C8orf34: variants seen among roughly 807,000 people sequenced by gnomAD.
The protein encoded by C8orf34 is uncharacterized protein C8orf34.
Under a neutral mutation model 68.3 loss-of-function variants are expected in C8orf34, and 65 were observed. The observed-to-expected ratio is 0.95, with a 90% CI of 0.78 to 1.17. C8orf34 has a LOEUF of 1.17. Among genes scored for constraint, C8orf34 ranks in the 50% most tolerant of loss-of-function variants. The probability of loss-of-function intolerance (pLI) is 0.00; values close to 1 mark genes in which losing one functional copy is unlikely to be tolerated. For synonymous variants in C8orf34, 244 were observed against 241.2 expected (o/e 1.01, Z -0.11); for missense variants, 664 against 655.4 (o/e 1.01, Z -0.14).
chr8:68,676,466 GATC>G (rs1417065496), intron 8 of C8orf34, among the ~76,000 whole-genome samples: 20 of 152,148 alleles, frequency 1.3e-4, no homozygotes, highest in Admixed American at 6.6e-5. Context: ...GCATTGCACA[GATC>G]ATTCAGACAG....
At chr8:68,421,524 AT>A (rs1203652128) in intron 1 of C8orf34, among the ~76,000 whole-genome samples, 1 of 152,188 alleles carries the variant, frequency 6.6e-6, no homozygotes, top group Non-Finnish European at 1.5e-5. Flanking sequence ...AAGCCATTTG[AT>A]ATGTCAGTAG....
intron 7 of C8orf34, among the ~76,000 whole-genome samples, chr8:68,548,034 C>T (rs1815944263): frequency 6.6e-6 from 1 of 151,726 alleles, no homozygotes; most frequent in South Asian, 2.1e-4. Context: ...TACGCCACAA[C>T]AAACATTACT....
intron 6 of C8orf34, among the ~76,000 whole-genome samples, chr8:68,529,040 C>G (rs975072882): frequency 5.3e-5 from 8 of 152,134 alleles, no homozygotes; most frequent in Admixed American, 6.5e-5. Flanking sequence ...TTCCCTGCAC[C>G]ATTCCTTTCT....
intron 4 of C8orf34, among the ~76,000 whole-genome samples, chr8:68,477,573 T>A (rs2129630788): frequency 6.6e-6 from 1 of 152,282 alleles, no homozygotes. Flanking sequence ...TGAACTGTGC[T>A]CCTGGAAAAG....
chr8:68,627,204 C>T (rs553639091), intron 7 of C8orf34, among the ~76,000 whole-genome samples: 5 of 152,240 alleles, frequency 3.3e-5, no homozygotes, highest in Admixed American at 6.5e-5. Flanking sequence ...ACACTCTGAA[C>T]GTTCTGCCTG....
rs867840738 is a variant in C8orf34 at position 68,745,995 on chromosome 8, T to C, written c.1404+24558T>C. ...ACCACATACTTGGAAGTAAAGCTCT[T>C]CTCAGCAAATGTAAAAGAACAGAAA... On this transcript the variant is annotated intron_variant, in intron 10 of 13. Transcript: ENST00000518698. 5.7e-3 allele frequency among the ~76,000 whole-genome samples: 873 copies of C among 151,952 alleles called. 10 individuals carry two copies. Among genetic ancestry groups the C allele is most frequent in the African/African-American group, 0.02 (821 of 41,400 alleles).
At chr8:68,783,631 C>A (rs1823757978) in intron 11 of C8orf34, among the ~76,000 whole-genome samples, 7 of 151,604 alleles carry the variant, frequency 4.6e-5, no homozygotes. Context: ...TACCTGAGAT[C>A]TGGAAGTCCC....
chr8:68,611,343 A>G (rs1586447733), intron 7 of C8orf34, among the ~76,000 whole-genome samples: 1 of 152,188 alleles, frequency 6.6e-6, no homozygotes, highest in Non-Finnish European at 1.5e-5. Context: ...TTGGTTGTCA[A>G]TTCAGTTCAA....
intron 12 of C8orf34, 29 bp from the exon 13 acceptor site, chr8:68,815,857 A>G (rs1328810772): frequency 1.2e-6 from 2 of 1,613,470 alleles, no homozygotes; most frequent in African/African-American, 2.7e-5. Flanking sequence ...CTGGCCTGGC[A>G]TATTATCTCT....
In C8orf34 at chr8:68,756,585, G is replaced by GA. The variant is rs113613105; in HGVS notation, c.1405-19811dup. On this transcript the variant is annotated intron_variant, in intron 10 of 13. Coordinates refer to ENST00000518698, the MANE Select transcript of C8orf34 (RefSeq NM_052958.4). ...TCAAAGAAAAGAAAGAAAAAAGTAT[G>GA]AAAGCTTAAATAATATGTTACTTAA... 4.1e-3 allele frequency among the ~76,000 whole-genome samples: 628 copies of GA among 152,206 alleles called. 2 individuals are homozygous for GA. The highest frequency in any genetic ancestry group is 0.015 in the African/African-American group (604 of 41,528).
At chr8:68,379,160 A>G (rs929892764) in intron 1 of C8orf34, among the ~76,000 whole-genome samples, 24 of 152,262 alleles carry the variant, frequency 1.6e-4, no homozygotes, top group African/African-American at 5.8e-4. Flanking sequence ...ACAATTGGAC[A>G]TGGCATTTAT....
At chr8:68,450,752 G>C (rs918775405) in intron 3 of C8orf34, among the ~76,000 whole-genome samples, 1 of 152,086 alleles carries the variant, frequency 6.6e-6, no homozygotes, top group African/African-American at 2.4e-5. Context: ...TCCAGGCTTT[G>C]TTGTTTTATC....
At chr8:68,587,048 G>A (rs1260589566) in intron 7 of C8orf34, among the ~76,000 whole-genome samples, 1 of 152,010 alleles carries the variant, frequency 6.6e-6, no homozygotes, top group African/African-American at 2.4e-5. Context: ...GGCTTTAAAT[G>A]AATCCTCAGA....
At chr8:68,349,848 C>A (rs1184821984) in intron 1 of C8orf34, among the ~76,000 whole-genome samples, 2 of 150,858 alleles carry the variant, frequency 1.3e-5, no homozygotes, top group East Asian at 3.9e-4. Flanking sequence ...TGGATCTTCT[C>A]TCTTTTCTTC....
At chr8:68,748,963 A>G (rs1181252602) in intron 10 of C8orf34, among the ~76,000 whole-genome samples, 1 of 152,136 alleles carries the variant, frequency 6.6e-6, no homozygotes, top group Non-Finnish European at 1.5e-5. Context: ...CATTATTCAC[A>G]ATAGCAAAGA....
chr8:68,428,942 T>C (rs1810340677), intron 1 of C8orf34, among the ~76,000 whole-genome samples: 1 of 152,130 alleles, frequency 6.6e-6, no homozygotes, highest in African/African-American at 2.4e-5. Context: ...ATGTTGACTT[T>C]AGATGCTTTG....
intron 7 of C8orf34, among the ~76,000 whole-genome samples, chr8:68,592,110 A>G (rs1217330786): frequency 6.6e-6 from 1 of 152,154 alleles, no homozygotes; most frequent in East Asian, 1.9e-4. Flanking sequence ...ACACACTCAT[A>G]ACATTGGTCC....
chr8:68,664,031 T>A (rs942817240), intron 8 of C8orf34, among the ~76,000 whole-genome samples: 4 of 152,202 alleles, frequency 2.6e-5, no homozygotes, highest in Non-Finnish European at 5.9e-5. Context: ...GGTTGAATTT[T>A]AGGCCTCTTT....
intron 4 of C8orf34, among the ~76,000 whole-genome samples, chr8:68,482,848 G>A (rs1376978699): frequency 6.6e-6 from 1 of 152,028 alleles, no homozygotes; most frequent in African/African-American, 2.4e-5. Context: ...AGCCAGTATG[G>A]GCCAGCTCTA....
Sources: gnomAD v4.1 joint callset for allele counts (sites outside exome capture counted in the v4.1 genomes callset) on GRCh38, gnomAD v4.1.1 for gene constraint, MANE v1.5 for transcripts, NCBI Gene and HGNC (gene_info 2026-07-23, HGNC 2026-07-21) for gene names.